The following THSD7B variants were observed in gnomAD, a reference collection of about 807,000 sequenced individuals.
The protein encoded by THSD7B is thrombospondin type 1 domain containing 7B.
A neutral mutation model predicts 213.6 loss-of-function variants in THSD7B; 138 were observed. The ratio of observed to expected loss-of-function variants is 0.65; its 90% CI spans 0.56 to 0.74. The LOEUF is 0.74. Among genes scored for constraint, THSD7B ranks in the 30% least tolerant of loss-of-function variants. The probability of loss-of-function intolerance (pLI) is 0.00; values close to 1 mark genes in which losing one functional copy is unlikely to be tolerated. For missense variants in THSD7B, 1,931 were observed against 1,991.5 expected (o/e 0.97, Z 0.58); for synonymous variants, 742 against 687.0 (o/e 1.08, Z -1.25).
chr2:136,867,968 T>C (rs1294462883), intron 1 of THSD7B, among the ~76,000 whole-genome samples: 7 of 152,228 alleles, frequency 4.6e-5, no homozygotes, highest in Middle Eastern at 3.4e-3. Flanking sequence ...TTCTGTGAAA[T>C]TGGAGATAGA....
chr2:137,649,404 A>T (rs1283749294), intron 21 of THSD7B, among the ~76,000 whole-genome samples: 2 of 152,152 alleles, frequency 1.3e-5, no homozygotes, highest in African/African-American at 4.8e-5. Context: ...TAGTTTCAAA[A>T]TTTCGGTTCT....
At chr2:137,673,915 A>C (rs1558879799) in intron 27 of THSD7B, among the ~76,000 whole-genome samples, 2 of 152,116 alleles carry the variant, frequency 1.3e-5, no homozygotes, top group Admixed American at 1.3e-4. Context: ...ATGAGGTCCT[A>C]ATCCCAATGA....
Position 137,345,481 on chromosome 2 carries a change from C to T in THSD7B, c.2501-60132C>T, listed in dbSNP as rs1030542038. ...GATGCTTTCTAGACATAGACATAGACGTCTCTGAAAGAATTGAAAGATGTG... is the reference window on the plus strand; with the variant it reads ...GATGCTTTCTAGACATAGACATAGATGTCTCTGAAAGAATTGAAAGATGTG... On this transcript the variant is annotated intron_variant, in intron 12 of 27. Coordinates refer to ENST00000409968, the MANE Select transcript of THSD7B (RefSeq NM_001316349.2). 4.0e-5 allele frequency among the ~76,000 whole-genome samples: 6 copies of T among 151,514 alleles called. No individual in the cohort carries two copies. The South Asian group carries it at 6.2e-4, about 16-fold the overall frequency.
At chr2:137,257,910 C>T (rs1682345024) in intron 10 of THSD7B, among the ~76,000 whole-genome samples, 1 of 152,140 alleles carries the variant, frequency 6.6e-6, no homozygotes, top group Admixed American at 6.6e-5. Flanking sequence ...TTACTGGGAC[C>T]TTGCATGAGG....
chr2:137,115,204 C>T lies in THSD7B; in HGVS notation c.1280C>T (p.Thr427Met), dbSNP rs767523442. 36 of 1,613,702 alleles carry T rather than the reference C, an allele frequency of 2.2e-5. No homozygotes were observed. Among genetic ancestry groups the T allele is most frequent in the East Asian group, 1.6e-4 (7 of 44,868 alleles). Reference protein sequence around the residue: ...LEQQDPHWHVTGPVCGGGIQT... With the variant: ...LEQQDPHWHVMGPVCGGGIQT... ...CAGCAGGATCCCCACTGGCATGTGACGGGACCCGTGTGTGGCGGTGGGATC... is the reference window on the plus strand; with the variant it reads ...CAGCAGGATCCCCACTGGCATGTGATGGGACCCGTGTGTGGCGGTGGGATC... The change falls in exon 5 of 28, where the codon ACG becomes ATG. Residue 427 changes from threonine (T) to methionine (M), a missense_variant. Transcript: ENST00000409968.
intron 5 of THSD7B, among the ~76,000 whole-genome samples, chr2:137,154,791 C>T (rs1162161619): frequency 6.6e-6 from 1 of 152,120 alleles, no homozygotes; most frequent in Non-Finnish European, 1.5e-5. Context: ...AATTTGTATG[C>T]TCATCTGAAT....
intron 7 of THSD7B, among the ~76,000 whole-genome samples, chr2:137,192,608 A>G (rs55887526): frequency 0.038 from 5,820 of 152,194 alleles, 405 homozygotes; most frequent in African/African-American, 0.13. Context: ...AGTGTTTCCA[A>G]TTTTCATATG....
intron 15 of THSD7B, among the ~76,000 whole-genome samples, chr2:137,497,539 C>A (rs1271239155): frequency 6.6e-6 from 1 of 151,364 alleles, no homozygotes; most frequent in African/African-American, 2.4e-5. Context: ...TAGAATATAG[C>A]CAAATTAAGA....
chr2:137,481,500 C>A (rs1034500091), intron 15 of THSD7B, among the ~76,000 whole-genome samples: 6 of 152,130 alleles, frequency 3.9e-5, no homozygotes, highest in Admixed American at 1.3e-4. Flanking sequence ...TAAAAAGTAA[C>A]CCTGGAAATC....
At chr2:137,652,000 G>A (rs547378672) in intron 21 of THSD7B, among the ~76,000 whole-genome samples, 7 of 152,158 alleles carry the variant, frequency 4.6e-5, no homozygotes, top group African/African-American at 1.7e-4. Flanking sequence ...AATGTCCTAT[G>A]TGCTGATGAA....
intron 3 of THSD7B, among the ~76,000 whole-genome samples, chr2:137,065,962 A>G (rs1687367452): frequency 7.0e-6 from 1 of 143,450 alleles, no homozygotes; most frequent in Non-Finnish European, 1.5e-5. Flanking sequence ...CATATGAAAA[A>G]TAAATGACAT....
chr2:136,950,085 C>T (rs1188274605), intron 2 of THSD7B, among the ~76,000 whole-genome samples: 7 of 152,066 alleles, frequency 4.6e-5, no homozygotes, highest in Non-Finnish European at 8.8e-5. Context: ...AACCCTGTCT[C>T]TACTAAAAAT....
chr2:136,815,914 TCACTCTGTCTCCC>T (rs1682463020), intron 1 of THSD7B, among the ~76,000 whole-genome samples: 1 of 152,148 alleles, frequency 6.6e-6, no homozygotes, highest in Non-Finnish European at 1.5e-5. Flanking sequence ...AGACAGTGTC[TCACTCTGTCTCCC>T]AGGCTGGAGT....
intron 3 of THSD7B, among the ~76,000 whole-genome samples, chr2:137,082,327 T>A (rs1206172156): frequency 1.3e-5 from 2 of 152,106 alleles, no homozygotes; most frequent in Non-Finnish European, 2.9e-5. Flanking sequence ...TCATGTTCTG[T>A]CTCTAGTAAT....
At chr2:136,917,749 A>T (rs1684372642) in intron 2 of THSD7B, among the ~76,000 whole-genome samples, 1 of 152,174 alleles carries the variant, frequency 6.6e-6, no homozygotes, top group South Asian at 2.1e-4. Flanking sequence ...CTGTTCTGTC[A>T]CCCTGGAGGA....
At chr2:137,222,091 T>A (rs1681384187) in intron 7 of THSD7B, among the ~76,000 whole-genome samples, 1 of 152,238 alleles carries the variant, frequency 6.6e-6, no homozygotes, top group Non-Finnish European at 1.5e-5. Context: ...ATTTGGAATG[T>A]CCTTTATCTC....
At chr2:137,084,097 C>A (rs1046212099) in intron 3 of THSD7B, among the ~76,000 whole-genome samples, 9 of 330 alleles carry the variant, frequency 0.027, no homozygotes, top group African/African-American at 0.1. Flanking sequence ...TTTCCATATT[C>A]AGGGTAGATT....
At chr2:137,530,110 A>G (rs541532130) in intron 15 of THSD7B, among the ~76,000 whole-genome samples, 1 of 152,138 alleles carries the variant, frequency 6.6e-6, no homozygotes. Context: ...GCATTCTACT[A>G]TTGCTCTAGC....
rs377352860 is a variant in THSD7B at position 137,570,988 on chromosome 2, TATAA to T, written c.3273-1414_3273-1411del. ...AAATTAATTTCTATTTGGGATGTGA[TATAA>T]ATAGAGAGAAATGCCCCCATCATAG... is the stretch of plus-strand genomic sequence containing the variant. On this transcript the variant is annotated intron_variant, in intron 16 of 27. Coordinates refer to ENST00000409968, the MANE Select transcript of THSD7B (RefSeq NM_001316349.2). Among the ~76,000 whole-genome samples, 55 of 152,328 alleles carry T rather than the reference TATAA, an allele frequency of 3.6e-4. 1 individual carries two copies. In the East Asian group the frequency reaches 0.01, roughly 28 times the overall value.
Sources: gnomAD v4.1 joint callset for allele counts (sites outside exome capture counted in the v4.1 genomes callset) on GRCh38, gnomAD v4.1.1 for gene constraint, MANE v1.5 for transcripts, NCBI Gene and HGNC (gene_info 2026-07-23, HGNC 2026-07-21) for gene names.